Variants in FOXK1 observed in about 807,000 individuals in gnomAD.
FOXK1 encodes forkhead box protein K1.
Under a neutral mutation model 51.9 loss-of-function variants are expected in FOXK1, and 19 were observed. The observed-to-expected ratio is 0.37, with a 90% CI of 0.26 to 0.54. The LOEUF (loss-of-function observed/expected upper bound fraction) is 0.54, where lower values mean the gene tolerates loss of function less well. Among genes scored for constraint, FOXK1 ranks in the 20% least tolerant of loss-of-function variants. The pLI is 0.87. For synonymous variants in FOXK1, 537 were observed against 482.6 expected (o/e 1.11, Z -1.48); for missense variants, 870 against 1,032.7 (o/e 0.84, Z 2.16).
intron 1 of FOXK1, among the ~76,000 whole-genome samples, chr7:4,737,559 T>TGTGTGTGTGTGTGTGTGC (rs1780570743): frequency 6.6e-6 from 1 of 151,410 alleles, no homozygotes; most frequent in Non-Finnish European, 1.5e-5. Flanking sequence ...TGCCTGTGTG[T>TGTGTGTGTGTGTGTGTGC]GTGTGTGTGT....
rs111578356 is a variant in FOXK1 at position 4,707,994 on chromosome 7, G to A, written c.560+25126G>A. On this transcript the variant is annotated intron_variant, in intron 1 of 8. Transcript: ENST00000328914. The surrounding 1 kb of genome is among the most constrained non-coding windows in gnomAD (Gnocchi z 4.1). Reference sequence around the variant, plus strand: ...CACTGCGCTCAGCCTGTTTTCACCTGTTTTCTGAAATCTGAGTAAATGTGG... The same window carrying A: ...CACTGCGCTCAGCCTGTTTTCACCTATTTTCTGAAATCTGAGTAAATGTGG... Among the ~76,000 whole-genome samples, 2 of 152,166 alleles carry A rather than the reference G, an allele frequency of 1.3e-5. No homozygotes were observed. The highest frequency in any genetic ancestry group is 4.8e-5 in the African/African-American group (2 of 41,524).
intron 1 of FOXK1, among the ~76,000 whole-genome samples, chr7:4,698,105 G>A (rs766829056): frequency 2.6e-5 from 4 of 152,070 alleles, no homozygotes; most frequent in Admixed American, 6.6e-5. Flanking sequence ...GACTACAGGC[G>A]AGAGCCACTG....
At chr7:4,757,836 G>C (rs1446048054) in intron 5 of FOXK1, among the ~76,000 whole-genome samples, 1 of 151,892 alleles carries the variant, frequency 6.6e-6, no homozygotes, top group African/African-American at 2.4e-5. Context: ...CTGCAGATTT[G>C]GTACCCACAA....
intron 1 of FOXK1, among the ~76,000 whole-genome samples, chr7:4,684,170 A>G (rs938965846): frequency 6.6e-6 from 1 of 152,030 alleles, no homozygotes; most frequent in Non-Finnish European, 1.5e-5. Flanking sequence ...CTGTTTAATT[A>G]CTCATTTCCT....
chr7:4,729,633 G>T lies in FOXK1; in HGVS notation c.561-11205G>T, dbSNP rs1780424921. Among the ~76,000 whole-genome samples, 1 of 152,190 alleles carries T rather than the reference G, an allele frequency of 6.6e-6. No individual in the cohort carries two copies. Among genetic ancestry groups the T allele is most frequent in the Admixed American group, 6.5e-5 (1 of 15,280 alleles). On this transcript the variant is annotated intron_variant, in intron 1 of 8. Coordinates refer to ENST00000328914, the MANE Select transcript of FOXK1 (RefSeq NM_001037165.2). This position sits in a 1 kb window ranked among gnomAD's most constrained non-coding sequence, Gnocchi z 6.2. The stretch of plus-strand genomic sequence containing the variant: ...CTCTGTGGGGCTCTATCCTAATTCA[G>T]TGAGGTCTCTCGCCACCTTCCTCCA...
intron 1 of FOXK1, among the ~76,000 whole-genome samples, chr7:4,710,855 G>A (rs1430879017): frequency 1.3e-5 from 2 of 152,106 alleles, no homozygotes; most frequent in South Asian, 2.1e-4. Context: ...GCCATTCCAC[G>A]TCGTGGATTT....
chr7:4,755,655 C>T lies in FOXK1; in HGVS notation c.1050+272C>T, dbSNP rs181225567. 6.6e-6 allele frequency among the ~76,000 whole-genome samples: 1 copy of T among 152,236 alleles called. No individual in the cohort carries two copies. The highest frequency in any genetic ancestry group is 2.4e-5 in the African/African-American group (1 of 41,530). ...CTGAGGTGGGAGGATCACTTGAGCC[C>T]AGGAGGTGGAGGCTGCAGTGAGCTA... On this transcript the variant is annotated intron_variant, in intron 4 of 8. Transcript: ENST00000328914. The surrounding 1 kb of genome is among the most constrained non-coding windows in gnomAD (Gnocchi z 6.6).
chr7:4,710,584 T>C (rs1323723753), intron 1 of FOXK1, among the ~76,000 whole-genome samples: 2 of 152,010 alleles, frequency 1.3e-5, no homozygotes, highest in African/African-American at 2.4e-5. Context: ...CAAAAATAAA[T>C]AAAGAAATAC....
intron 1 of FOXK1, among the ~76,000 whole-genome samples, chr7:4,717,099 GTTGAGAGGTGCGTGGCTGGGAAGGC>G (rs1780244735): frequency 6.7e-6 from 1 of 148,962 alleles, no homozygotes; most frequent in African/African-American, 2.5e-5. Context: ...GAGGCACGTG[GTTGAGAGGTGCGTGGCTGGGAAGGC>G]ATATGGCTGG....
At position 4,762,054 on chromosome 7, in the gene FOXK1, C is replaced by T. The variant is rs1780939338; in HGVS notation, c.1922-130C>T. 5.6e-6 allele frequency: 6 copies of T among 1,080,360 alleles called. No individual in the cohort carries two copies. The highest frequency in any genetic ancestry group is 1.6e-5 in the African/African-American group (1 of 62,940). The allele number at this position is 1,080,360 out of a possible 1,614,324, so 66.9% of individuals were successfully genotyped here. On this transcript the variant is annotated intron_variant, in intron 8 of 8. Transcript: ENST00000328914. The surrounding 1 kb of genome is among the most constrained non-coding windows in gnomAD (Gnocchi z 5.7). ...CCGCAGGGAGCAGAGCAAGGGTAGC[C>T]GTCCTGCCTGGCAGGGGTGCACTGA...
At position 4,764,944 on chromosome 7, in the gene FOXK1, C is replaced by G. The variant is rs1780990178; in HGVS notation, c.*2480C>G. The stretch of plus-strand genomic sequence containing the variant: ...TGTTAGCGGTAGCGTTCTCTGATTT[C>G]ACTGCTTCATTGCCAAGGGCGTGGA... On this transcript the variant is annotated 3_prime_UTR_variant, in exon 9 of 9. Coordinates refer to ENST00000328914, the MANE Select transcript of FOXK1 (RefSeq NM_001037165.2). The G allele has an allele frequency of 6.6e-6, 1 of 152,410 alleles. No individual in the cohort carries two copies. Among genetic ancestry groups the G allele is most frequent in the African/African-American group, 2.4e-5 (1 of 41,462 alleles). The allele number at this position is 152,410 out of a possible 1,614,324, so 9.4% of individuals were successfully genotyped here. A position where few individuals can be genotyped will look rare whatever the true frequency, so the allele number is the denominator to read the frequency against.
In FOXK1 at chr7:4,708,456, T is replaced by G. The variant is rs554528517; in HGVS notation, c.560+25588T>G. 1.3e-4 allele frequency among the ~76,000 whole-genome samples: 20 copies of G among 152,186 alleles called. 1 individual carries two copies. Among genetic ancestry groups the G allele is most frequent in the Non-Finnish European group, 1.5e-4 (10 of 68,024 alleles). On this transcript the variant is annotated intron_variant, in intron 1 of 8. Coordinates refer to ENST00000328914, the MANE Select transcript of FOXK1 (RefSeq NM_001037165.2). The stretch of plus-strand genomic sequence containing the variant: ...AGACCACTTCCTTGGGAAAGGTTGA[T>G]TAGGTTAAACTCTAACTTGACCTTC...
rs1781012497 is a variant in FOXK1 at position 4,766,484 on chromosome 7, AT to A, written c.*4023del. 6.6e-6 allele frequency: 1 copy of A among 151,922 alleles called. No homozygotes were observed. The highest frequency in any genetic ancestry group is 1.5e-5 in the Non-Finnish European group (1 of 67,988). 9.4% of individuals were successfully genotyped at this position (151,922 alleles called of 1,614,324 possible). On this transcript the variant is annotated 3_prime_UTR_variant, in exon 9 of 9. Transcript: ENST00000328914. The surrounding 1 kb of genome is among the most constrained non-coding windows in gnomAD (Gnocchi z 5.5). ...CGAGGTCTGGTAGGTCCTCTTTGGG[AT>A]TTGCTGTTTATTTGTATCTCCCTTT...
In FOXK1 at chr7:4,761,219, C is replaced by T; in HGVS notation, c.1852C>T (p.Pro618Ser). 4 of 1,613,214 alleles carry T rather than the reference C, an allele frequency of 2.5e-6. No individual in the cohort carries two copies. The highest frequency in any genetic ancestry group is 2.5e-6 in the Non-Finnish European group (3 of 1,180,036). Residue 618 changes from proline (P) to serine (S), a missense_variant, in exon 8 of 9, where the codon CCA becomes TCA. By Grantham distance (74) the Pro-to-Ser change is moderately conservative. Around this residue, in one of 3 missense-constraint regions of FOXK1, gnomAD observed 457 missense variants for 510.8 expected, o/e 0.89. Coordinates refer to ENST00000328914, the MANE Select transcript of FOXK1 (RefSeq NM_001037165.2). The surrounding 1 kb of genome is among the most constrained non-coding windows in gnomAD (Gnocchi z 6.2). ...TPVTLGQHHL[P>S]VRAVTQNGKH... ...CGTGACCCTCGGGCAGCACCACCTT[C>T]CAGTCCGGGCCGTGACCCAGAACGG...
At position 4,753,378 on chromosome 7, in the gene FOXK1, G is replaced by A. The variant is rs1562389717; in HGVS notation, c.747-1081G>A. Among the ~76,000 whole-genome samples, 2 of 152,140 alleles carry A rather than the reference G, an allele frequency of 1.3e-5. No individual in the cohort carries two copies. Among genetic ancestry groups the A allele is most frequent in the Admixed American group, 6.5e-5 (1 of 15,278 alleles). On this transcript the variant is annotated intron_variant, in intron 2 of 8. Coordinates refer to ENST00000328914, the MANE Select transcript of FOXK1 (RefSeq NM_001037165.2). This position sits in a 1 kb window ranked among gnomAD's most constrained non-coding sequence, Gnocchi z 4.9. ...CTGGCAGAGGAAAGGGCAGCAAGGCGGGAGGAGGAGAATGGACCTTCTGGA... is the reference window on the plus strand; with the variant it reads ...CTGGCAGAGGAAAGGGCAGCAAGGCAGGAGGAGGAGAATGGACCTTCTGGA...
intron 1 of FOXK1, among the ~76,000 whole-genome samples, chr7:4,726,536 C>T (rs1239304051): frequency 2.0e-5 from 3 of 152,012 alleles, no homozygotes; most frequent in South Asian, 2.1e-4. Context: ...GCAGGAGAAT[C>T]GCTTGAACCC....
intron 1 of FOXK1, among the ~76,000 whole-genome samples, chr7:4,690,829 G>A (rs1349472188): frequency 6.6e-6 from 1 of 152,170 alleles, no homozygotes; most frequent in African/African-American, 2.4e-5. Context: ...TTTGCATCTT[G>A]TGAATGTCAG....
Position 4,758,988 on chromosome 7 carries a change from C to T in FOXK1, c.1245-63C>T, listed in dbSNP as rs375170435. The T allele has an allele frequency of 6.5e-5, 97 of 1,503,478 alleles. No individual in the cohort carries two copies. In the East Asian group the frequency reaches 1.0e-3, roughly 15 times the overall value. 93.1% of individuals were successfully genotyped at this position (1,503,478 alleles called of 1,614,324 possible). A position where few individuals can be genotyped will look rare whatever the true frequency, so the allele number is the denominator to read the frequency against. On this transcript the variant is annotated intron_variant, in intron 5 of 8. Coordinates refer to ENST00000328914, the MANE Select transcript of FOXK1 (RefSeq NM_001037165.2). The surrounding 1 kb of genome is among the most constrained non-coding windows in gnomAD (Gnocchi z 4.4). ...GACGGCGCTGAGATGCGTGATGTCT[C>T]GGAAACGTCCTCGCATCCCTCAGCG...
Position 4,767,504 on chromosome 7 carries a change from ATACTT to A in FOXK1, c.*5044_*5048del, listed in dbSNP as rs1216217878. On this transcript the variant is annotated 3_prime_UTR_variant, in exon 9 of 9. Transcript: ENST00000328914. This position sits in a 1 kb window ranked among gnomAD's most constrained non-coding sequence, Gnocchi z 6.6. Reference sequence around the variant, plus strand: ...TTCAAAGCAATATTATTTAATGAGAATACTTTACATTGCTCACATGTGCTGCTATG... The same window carrying A: ...TTCAAAGCAATATTATTTAATGAGAATACATTGCTCACATGTGCTGCTATG... The A allele has an allele frequency of 1.3e-5, 2 of 152,232 alleles. No individual in the cohort carries two copies. Among genetic ancestry groups the A allele is most frequent in the Non-Finnish European group, 2.9e-5 (2 of 68,048 alleles). 9.4% of individuals were successfully genotyped at this position (152,232 alleles called of 1,614,324 possible).
Sources: allele counts gnomAD v4.1 joint callset (sites outside exome capture counted in the v4.1 genomes callset), GRCh38; gene constraint gnomAD v4.1.1; regional missense constraint gnomAD v4.1.1; non-coding constraint Gnocchi (gnomAD v3.1); transcripts MANE v1.5; gene names NCBI Gene and HGNC (gene_info 2026-07-23, HGNC 2026-07-21).